The following NOTCH1 variants were observed in gnomAD, a reference collection of about 807,000 sequenced individuals.
NOTCH1 encodes neurogenic locus notch homolog protein 1.
NOTCH1 carries 37 observed loss-of-function variants against 254.8 expected under a neutral mutation model. The observed-to-expected ratio is 0.15, with a 90% CI of 0.11 to 0.19. The LOEUF is 0.19. Among genes scored for constraint, NOTCH1 ranks in the 10% least tolerant of loss-of-function variants. The probability of loss-of-function intolerance (pLI) is 1.00; values close to 1 mark genes in which losing one functional copy is unlikely to be tolerated. For missense variants in NOTCH1, 2,972 were observed against 3,708.6 expected, an observed-to-expected ratio of 0.80 and a Z score of 5.16; for synonymous variants, 1,731 against 1,618.1, an observed-to-expected ratio of 1.07 and a Z score of -1.68.
At chr9:136,533,601 T>G (rs1019109013) in intron 2 of NOTCH1, among the ~76,000 whole-genome samples, 8 of 152,176 alleles carry the variant, frequency 5.3e-5, no homozygotes, top group African/African-American at 1.9e-4. Flanking sequence ...CACAGCAGCC[T>G]CAGAGAGCTG....
chr9:136,517,783 C>T lies in NOTCH1; in HGVS notation c.1410G>A (p.Gln470=), dbSNP rs755158319. The change falls in exon 8 of 34, where the codon CAG becomes CAA. Residue 470 remains glutamine, a synonymous_variant. Transcript: ENST00000651671. ...PCQNDATCLD[Q]IGEFQCICMP... ...TGCAGATGCACTGGAACTCCCCAAT[C>T]TGGTCCAGGCAGGTGGCGTCGTTCT... 1.9e-6 allele frequency: 3 copies of T among 1,612,748 alleles called. No homozygotes were observed. The highest frequency in any genetic ancestry group is 1.7e-6 in the Non-Finnish European group (2 of 1,179,936).
intron 2 of NOTCH1, chr9:136,543,522 G>A (rs1843763369): frequency 6.6e-6 from 2 of 304,320 alleles, no homozygotes; most frequent in African/African-American, 4.5e-5. Flanking sequence ...CGCCCAGGAG[G>A]TGGCATCACC....
At chr9:136,502,832 T>C in intron 27 of NOTCH1, 3 of 569,678 alleles carry the variant, frequency 5.3e-6, no homozygotes, top group South Asian at 3.9e-5. Context: ...ACACTTCACA[T>C]GACACCGATC....
intron 2 of NOTCH1, among the ~76,000 whole-genome samples, chr9:136,537,376 G>A (rs1003443618): frequency 1.1e-4 from 16 of 152,176 alleles, no homozygotes; most frequent in Admixed American, 1.0e-3. Context: ...ACCACCTATG[G>A]CACAATTCCA....
At chr9:136,509,649 C>G in intron 18 of NOTCH1, 84 bp downstream of exon 18, 1 of 1,306,062 alleles carries the variant, frequency 7.7e-7, no homozygotes, top group Non-Finnish European at 1.1e-6. Context: ...AGGCGGACGC[C>G]TGCATGGTGT....
chr9:136,506,065 C>G lies in NOTCH1; in HGVS notation c.4015-184G>C, dbSNP rs1475012889. ...TACCAACAGAGAAAGATCGGGGGTG[C>G]CAGGGGGTCGGGAGATGGAGGAAGG... On this transcript the variant is annotated intron_variant, in intron 24 of 33. Transcript: ENST00000651671. The surrounding 1 kb of genome is among the most constrained non-coding windows in gnomAD (Gnocchi z 4.5). Among the ~76,000 whole-genome samples the G allele has an allele frequency of 6.6e-6, 1 of 152,118 alleles. No individual in the cohort carries two copies. Among genetic ancestry groups the G allele is most frequent in the Non-Finnish European group, 1.5e-5 (1 of 68,000 alleles).
rs1215937044 is a variant in NOTCH1, at chr9:136,506,986, G to A, written c.3644-13C>T. ...TCACAGTGCACACCTGCGGGGCCAG[G>A]TTTCGTCAGTGGCCCAAGCCCGCCA... On this transcript the variant is annotated splice_polypyrimidine_tract_variant and intron_variant, in intron 22 of 33. Transcript: ENST00000651671. This position sits in a 1 kb window ranked among gnomAD's most constrained non-coding sequence, Gnocchi z 4.5. The A allele has an allele frequency of 6.3e-7, 1 of 1,577,404 alleles. No homozygotes were observed. The highest frequency in any genetic ancestry group is 8.6e-7 in the Non-Finnish European group (1 of 1,163,662).
Position 136,506,987 on chromosome 9 carries a change from T to A in NOTCH1, c.3644-14A>T. ...CACAGTGCACACCTGCGGGGCCAGG[T>A]TTCGTCAGTGGCCCAAGCCCGCCAC... On this transcript the variant is annotated splice_polypyrimidine_tract_variant and intron_variant, in intron 22 of 33. Coordinates refer to ENST00000651671, the MANE Select transcript of NOTCH1 (RefSeq NM_017617.5). This position sits in a 1 kb window ranked among gnomAD's most constrained non-coding sequence, Gnocchi z 4.5. 1 of 1,577,896 alleles carries A rather than the reference T, an allele frequency of 6.3e-7. No individual in the cohort carries two copies. Among genetic ancestry groups the A allele is most frequent in the South Asian group, 1.2e-5 (1 of 86,778 alleles).
At position 136,516,053 on chromosome 9, in the gene NOTCH1, C is replaced by T. The variant is rs2133365321; in HGVS notation, c.1597G>A (p.Ala533Thr). 2 of 1,612,164 alleles carry T rather than the reference C, an allele frequency of 1.2e-6. No individual in the cohort carries two copies. The highest frequency in any genetic ancestry group is 8.5e-7 in the Non-Finnish European group (1 of 1,179,936). The change falls in exon 10 of 34, where the codon GCC (alanine) becomes ACC (threonine). Residue 533 changes from alanine to threonine, a missense_variant. This residue lies in a region of NOTCH1 where 128 missense variants were observed against 193.8 expected (regional missense o/e 0.66). Coordinates refer to ENST00000651671, the MANE Select transcript of NOTCH1 (RefSeq NM_017617.5). ...GCACCATTCTTGCAGGGGGTGCTGG[C>T]ACACTCGTCCACATCGTACTGGCAC... ...HLCQYDVDEC[A>T]STPCKNGAKC...
intron 17 of NOTCH1, 96 bp downstream of exon 17, chr9:136,510,557 G>T: frequency 6.8e-7 from 1 of 1,469,314 alleles, no homozygotes; most frequent in Non-Finnish European, 9.2e-7. Context: ...CGGCCTCCCT[G>T]GGTGCTTATG....
At position 136,505,875 on chromosome 9, in the gene NOTCH1, C is replaced by T. The variant is rs372767143; in HGVS notation, c.4021G>A (p.Glu1341Lys). ...GCGTCATTCTCACACGTGGCGCCCT[C>T]GAAGCCCTGCCCGAGAGGGAAGACA... is the stretch of plus-strand genomic sequence containing the variant. Reference protein sequence around the residue: ...GFICKCPAGFEGATCENDART... With the variant: ...GFICKCPAGFKGATCENDART... The change falls in exon 25 of 34, where the codon GAG becomes AAG. Residue 1341 changes from glutamate to lysine, a missense_variant. By Grantham distance (56) the Glu-to-Lys change is moderately conservative (BLOSUM62 1). Transcript: ENST00000651671. The T allele has an allele frequency of 4.8e-5, 77 of 1,588,554 alleles. No homozygotes were observed. Among genetic ancestry groups the T allele is most frequent in the African/African-American group, 9.4e-5 (7 of 74,804 alleles).
chr9:136,499,330 G>C (rs1386669854), intron 31 of NOTCH1, 71 bp from the exon 32 acceptor site: 1 of 1,570,186 alleles, frequency 6.4e-7, no homozygotes, highest in Non-Finnish European at 8.6e-7. Context: ...CAGAACGAAC[G>C]CCTGGACGGG....
intron 28 of NOTCH1, 88 bp downstream of exon 28, chr9:136,502,184 G>A: frequency 6.3e-7 from 1 of 1,576,548 alleles, no homozygotes; most frequent in Non-Finnish European, 8.6e-7. Context: ...GTGGGCCCTG[G>A]GTCGGGAGGG....
chr9:136,535,765 A>G (rs12341181), intron 2 of NOTCH1, among the ~76,000 whole-genome samples: 194 of 7,822 alleles, frequency 0.025, no homozygotes, highest in East Asian at 0.11. Flanking sequence ...CGGGGCAATG[A>G]GTGCAGGGTG....
At position 136,518,835 on chromosome 9, in the gene NOTCH1, C is replaced by T. The variant is rs772682340; in HGVS notation, c.866-11G>A. On this transcript the variant is annotated splice_polypyrimidine_tract_variant and intron_variant, in intron 5 of 33. Coordinates refer to ENST00000651671, the MANE Select transcript of NOTCH1 (RefSeq NM_017617.5). ...CGGTACAGTACTGACCTGCAGGGAA[C>T]AGGAGCTGTCGGCCCCGGGCAGCTG... is the stretch of plus-strand genomic sequence containing the variant. 1.2e-6 allele frequency: 2 copies of T among 1,611,616 alleles called. No homozygotes were observed. Among genetic ancestry groups the T allele is most frequent in the South Asian group, 1.1e-5 (1 of 91,046 alleles).
intron 33 of NOTCH1, 24 bp downstream of exon 33, chr9:136,498,875 C>A: frequency 1.2e-6 from 2 of 1,612,580 alleles, no homozygotes; most frequent in Non-Finnish European, 1.7e-6. Context: ...CACGTCTCCC[C>A]TGGCATCCCA....
Position 136,510,760 on chromosome 9 carries a change from C to A in NOTCH1, c.2633G>T (p.Cys878Phe). 1 of 1,610,582 alleles carries A rather than the reference C, an allele frequency of 6.2e-7. No homozygotes were observed. Among genetic ancestry groups the A allele is most frequent in the Non-Finnish European group, 8.5e-7 (1 of 1,179,876 alleles). Reference protein sequence around the residue: ...VDINECVLSPCRHGASCQNTH... With the variant: ...VDINECVLSPFRHGASCQNTH... ...GTTCTGGCAGGATGCGCCGTGCCGGCACGGGCTCAGAACGCACTCGTTGAT... is the reference window on the plus strand; with the variant it reads ...GTTCTGGCAGGATGCGCCGTGCCGGAACGGGCTCAGAACGCACTCGTTGAT... Residue 878 changes from cysteine to phenylalanine, a missense_variant, in exon 17 of 34, where the codon TGC (cysteine) becomes TTC (phenylalanine). Cys to Phe is a radical substitution (Grantham distance 205). Around this residue, in one of 8 missense-constraint regions of NOTCH1, gnomAD observed 1,343 missense variants for 1,557.0 expected, o/e 0.86. Transcript: ENST00000651671.
chr9:136,539,053 C>T (rs1200492840), intron 2 of NOTCH1, among the ~76,000 whole-genome samples: 2 of 152,226 alleles, frequency 1.3e-5, no homozygotes, highest in African/African-American at 2.4e-5. Context: ...AGTCCCGGCT[C>T]CTGTGGGGTC....
chr9:136,498,942 A>G lies in NOTCH1; in HGVS notation c.6137T>C (p.Val2046Ala), dbSNP rs1374171839. ...TTTGTTAGCCCCGTTCTTCAGGAGCACAACTGCGGCATCCACATTGTTCAC... is the reference window on the plus strand; with the variant it reads ...TTTGTTAGCCCCGTTCTTCAGGAGCGCAACTGCGGCATCCACATTGTTCAC... ...AAVNNVDAAV[V>A]LLKNGANKDM... The change falls in exon 33 of 34, where the codon GTG (valine) becomes GCG (alanine). Residue 2046 changes from valine to alanine, a missense_variant. By Grantham distance (64) the Val-to-Ala change is moderately conservative. This residue lies in a region of NOTCH1 where 421 missense variants were observed against 604.4 expected (regional missense o/e 0.70). Transcript: ENST00000651671. The G allele has an allele frequency of 2.5e-6, 4 of 1,613,680 alleles. No homozygotes were observed. Among genetic ancestry groups the G allele is most frequent in the Non-Finnish European group, 2.5e-6 (3 of 1,180,016 alleles).
Sources: allele counts gnomAD v4.1 joint callset (sites outside exome capture counted in the v4.1 genomes callset), GRCh38; gene constraint gnomAD v4.1.1; regional missense constraint gnomAD v4.1.1; non-coding constraint Gnocchi (gnomAD v3.1); transcripts MANE v1.5; gene names NCBI Gene and HGNC (gene_info 2026-07-23, HGNC 2026-07-21).